DIS3L2: variants seen among roughly 807,000 people sequenced by gnomAD.
DIS3L2 encodes DIS3 like 3'-5' exoribonuclease 2.
DIS3L2 carries 34 observed loss-of-function variants against 97.5 expected under a neutral mutation model. The observed-to-expected ratio is 0.35, with a 90% confidence interval of 0.27 to 0.46. The LOEUF is 0.46. DIS3L2 is among the 20% of genes least tolerant of loss of function. The probability of loss-of-function intolerance (pLI) is 1.00; values close to 1 mark genes in which losing one functional copy is unlikely to be tolerated. For missense variants in DIS3L2, 1,038 were observed against 1,146.0 expected (o/e 0.91, Z 1.36); for synonymous variants, 435 against 445.2 (o/e 0.98, Z 0.29).
chr2:232,058,898 G>A (rs1574843506), intron 5 of DIS3L2, among the ~76,000 whole-genome samples: 2 of 152,292 alleles, frequency 1.3e-5, no homozygotes, highest in East Asian at 3.9e-4. Flanking sequence ...ATCTAAACAT[G>A]TTTGATTCAT....
chr2:232,120,836 G>A (rs11902516), intron 6 of DIS3L2, among the ~76,000 whole-genome samples: 16,425 of 151,896 alleles, frequency 0.11, 1,084 homozygotes, highest in African/African-American at 0.19. Context: ...TGAAGTTGGC[G>A]TTTCTCTGTC....
intron 1 of DIS3L2, among the ~76,000 whole-genome samples, chr2:231,970,527 T>C (rs1268305926): frequency 6.6e-6 from 1 of 152,192 alleles, no homozygotes; most frequent in Non-Finnish European, 1.5e-5. Context: ...TGTATCTAGA[T>C]GTATCTATAC....
At chr2:232,123,341 T>C (rs73095633) in intron 6 of DIS3L2, among the ~76,000 whole-genome samples, 1,602 of 152,298 alleles carry the variant, frequency 0.011, 29 homozygotes, top group African/African-American at 0.036. Context: ...AATAATACTT[T>C]CCTCATGGGG....
In DIS3L2 at chr2:232,092,209, G is replaced by A. The variant is rs182936584; in HGVS notation, c.601+4488G>A. The stretch of plus-strand genomic sequence containing the variant: ...TGTTGAAAATGAGTTCACTGTGGAT[G>A]TATGGATGTATGTATGGATGTATGT... On this transcript the variant is annotated intron_variant, in intron 6 of 20. Transcript: ENST00000325385. 3.5e-3 allele frequency among the ~76,000 whole-genome samples: 525 copies of A among 152,152 alleles called. 5 individuals are homozygous for A. Among genetic ancestry groups the A allele is most frequent in the African/African-American group, 0.012 (511 of 41,532 alleles).
At chr2:232,007,633 C>T (rs571669339) in intron 1 of DIS3L2, among the ~76,000 whole-genome samples, 2 of 152,278 alleles carry the variant, frequency 1.3e-5, no homozygotes, top group South Asian at 4.1e-4. Flanking sequence ...TTAGAAAGGA[C>T]AGGTATTAAG....
chr2:232,119,747 C>CT (rs2106340157), intron 6 of DIS3L2, among the ~76,000 whole-genome samples: 1 of 152,284 alleles, frequency 6.6e-6, no homozygotes, highest in African/African-American at 2.4e-5. Flanking sequence ...CTGTGAGGGA[C>CT]TCCAGTTTGG....
At chr2:232,258,622 G>C (rs1008526545) in intron 12 of DIS3L2, among the ~76,000 whole-genome samples, 1 of 147,074 alleles carries the variant, frequency 6.8e-6, no homozygotes, top group African/African-American at 2.5e-5. Flanking sequence ...AAAAAAAAAG[G>C]AAAGAGGAAA....
chr2:232,071,766 C>G (rs1246808980), intron 5 of DIS3L2, among the ~76,000 whole-genome samples: 2 of 152,104 alleles, frequency 1.3e-5, no homozygotes, highest in African/African-American at 4.8e-5. Flanking sequence ...TCTCAAACTC[C>G]TGGGCTCAAG....
Position 231,964,917 on chromosome 2 carries a change from T to A in DIS3L2, c.-94+3152T>A, listed in dbSNP as rs181131499. On this transcript the variant is annotated intron_variant, in intron 1 of 20. Coordinates refer to ENST00000325385, the MANE Select transcript of DIS3L2 (RefSeq NM_152383.5). ...ATTTGTCTCTAAAGTACAGATATAATTTGTATTTGTATTGGAGAGGACAGG... is the reference window on the plus strand; with the variant it reads ...ATTTGTCTCTAAAGTACAGATATAAATTGTATTTGTATTGGAGAGGACAGG... 1.3e-3 allele frequency among the ~76,000 whole-genome samples: 205 copies of A among 152,332 alleles called. 1 individual carries two copies. Among genetic ancestry groups the A allele is most frequent in the Middle Eastern group, 3.4e-3 (1 of 294 alleles).
chr2:232,237,683 TG>T (rs1291238357), intron 10 of DIS3L2, among the ~76,000 whole-genome samples: 5 of 34,868 alleles, frequency 1.4e-4, no homozygotes, highest in African/African-American at 4.7e-4. Context: ...AGGAAATGGT[TG>T]GGGGCGGGGT....
intron 6 of DIS3L2, among the ~76,000 whole-genome samples, chr2:232,129,495 G>A (rs1269840626): frequency 6.6e-5 from 10 of 152,198 alleles, no homozygotes; most frequent in Non-Finnish European, 1.5e-5. Context: ...GGCAATCTAC[G>A]ATAGGAAAGT....
At chr2:232,277,428 C>A (rs890760318) in intron 13 of DIS3L2, among the ~76,000 whole-genome samples, 1 of 152,088 alleles carries the variant, frequency 6.6e-6, no homozygotes, top group African/African-American at 2.4e-5. Context: ...ATTCAAAAAT[C>A]ATTTTGGATT....
chr2:231,980,971 A>G (rs572970280), intron 1 of DIS3L2, among the ~76,000 whole-genome samples: 5 of 151,922 alleles, frequency 3.3e-5, no homozygotes, highest in Non-Finnish European at 7.4e-5. Context: ...TTTTTGAGAC[A>G]AAGTCTCTGT....
chr2:232,278,725 T>G (rs746901694), intron 13 of DIS3L2, among the ~76,000 whole-genome samples: 17 of 152,260 alleles, frequency 1.1e-4, no homozygotes, highest in Non-Finnish European at 2.2e-4. Flanking sequence ...AGTTGAAGAA[T>G]ATTTGGCTAG....
At chr2:232,063,860 C>T (rs756659327) in intron 5 of DIS3L2, among the ~76,000 whole-genome samples, 8 of 151,976 alleles carry the variant, frequency 5.3e-5, no homozygotes, top group Non-Finnish European at 8.8e-5. Flanking sequence ...AATTTGATGC[C>T]TAATAGATGC....
At chr2:232,016,002 A>G (rs11885823) in intron 3 of DIS3L2, 20,227 of 184,576 alleles carry the variant, frequency 0.11, 1,430 homozygotes, top group African/African-American at 0.2. Context: ...CAGTTTGAGT[A>G]AGTGAAGATA....
chr2:232,100,694 CAG>C (rs1157443635), intron 6 of DIS3L2, among the ~76,000 whole-genome samples: 1 of 151,690 alleles, frequency 6.6e-6, no homozygotes, highest in Non-Finnish European at 1.5e-5. Flanking sequence ...ATTTTATTGT[CAG>C]AGTATAGGAT....
Position 232,083,089 on chromosome 2 carries a change from C to T in DIS3L2, c.367-4398C>T, listed in dbSNP as rs183192266. Among the ~76,000 whole-genome samples, 424 of 151,948 alleles carry T rather than the reference C, an allele frequency of 2.8e-3. 1 individual carries two copies. The highest frequency in any genetic ancestry group is 4.6e-3 in the Non-Finnish European group (315 of 67,970). ...ACCCACCCCCCCATGATTCAATTAC[C>T]TCCCACCTGGTCCCTCCCATGACAC... is the stretch of plus-strand genomic sequence containing the variant. On this transcript the variant is annotated intron_variant, in intron 5 of 20. Coordinates refer to ENST00000325385, the MANE Select transcript of DIS3L2 (RefSeq NM_152383.5).
At chr2:232,106,093 A>G (rs1167648964) in intron 6 of DIS3L2, among the ~76,000 whole-genome samples, 2 of 152,124 alleles carry the variant, frequency 1.3e-5, no homozygotes, top group South Asian at 2.1e-4. Flanking sequence ...CTTTCTTCCC[A>G]GTCCATCTAC....
Sources: allele counts gnomAD v4.1 joint callset (sites outside exome capture counted in the v4.1 genomes callset), GRCh38; gene constraint gnomAD v4.1.1; transcripts MANE v1.5; gene names NCBI Gene and HGNC (gene_info 2026-07-23, HGNC 2026-07-21).